The following COX7B2 variants were observed in gnomAD, a reference collection of about 807,000 sequenced individuals.
The protein encoded by COX7B2 is cytochrome c oxidase subunit 7B2, also known as cytochrome c oxidase subunit 7B2, mitochondrial.
For missense variants in COX7B2, 109 were observed against 95.9 expected, an observed-to-expected ratio of 1.14 and a Z score of -0.57; for synonymous variants, 37 against 32.1, an observed-to-expected ratio of 1.15 and a Z score of -0.51.
chr4:46,820,218 G>A (rs555345700), intron 2 of COX7B2, among the ~76,000 whole-genome samples: 1 of 152,174 alleles, frequency 6.6e-6, no homozygotes, highest in Non-Finnish European at 1.5e-5. Flanking sequence ...CCATCTGGGG[G>A]AGATCGGAAA....
At chr4:46,853,532 CA>C (rs1331851376) in intron 1 of COX7B2, among the ~76,000 whole-genome samples, 1 of 151,980 alleles carries the variant, frequency 6.6e-6, no homozygotes, top group African/African-American at 2.4e-5. Context: ...CAGTTATGTA[CA>C]TTTTTTTTTA....
intron 1 of COX7B2, among the ~76,000 whole-genome samples, chr4:46,866,614 G>A (rs1007731153): frequency 2.6e-5 from 4 of 152,112 alleles, no homozygotes; most frequent in African/African-American, 9.7e-5. Context: ...ATGGGAAGCA[G>A]GGCAGCAATA....
intron 1 of COX7B2, among the ~76,000 whole-genome samples, chr4:46,893,346 C>T (rs1322841496): frequency 6.6e-6 from 1 of 152,162 alleles, no homozygotes; most frequent in Non-Finnish European, 1.5e-5. Flanking sequence ...AAATTCCCTC[C>T]ACGGATAAGT....
chr4:46,761,716 A>G (rs1273849237), intron 2 of COX7B2, among the ~76,000 whole-genome samples: 2 of 152,108 alleles, frequency 1.3e-5, no homozygotes, highest in Admixed American at 6.6e-5. Flanking sequence ...GCTTGCCCAC[A>G]TGATGAATTG....
intron 2 of COX7B2, among the ~76,000 whole-genome samples, chr4:46,746,101 T>G (rs763020718): frequency 2.6e-5 from 4 of 152,314 alleles, no homozygotes; most frequent in Non-Finnish European, 5.9e-5. Context: ...AGATAATATA[T>G]TTTATCATAT....
At chr4:46,871,248 T>C (rs761303510) in intron 1 of COX7B2, among the ~76,000 whole-genome samples, 2 of 152,158 alleles carry the variant, frequency 1.3e-5, no homozygotes, top group Non-Finnish European at 2.9e-5. Flanking sequence ...AGGGAAATGC[T>C]CTCTATTCAG....
intron 1 of COX7B2, among the ~76,000 whole-genome samples, chr4:46,903,445 A>G (rs1316026258): frequency 1.3e-5 from 2 of 152,002 alleles, no homozygotes; most frequent in African/African-American, 4.8e-5. Context: ...GTAACATTGT[A>G]GCGCAATTAC....
intron 1 of COX7B2, among the ~76,000 whole-genome samples, chr4:46,880,889 T>C (rs1718677722): frequency 6.8e-6 from 1 of 147,956 alleles, no homozygotes; most frequent in East Asian, 2.0e-4. Flanking sequence ...ATATACCTAA[T>C]GCTAGATGAC....
chr4:46,735,388 C>T (rs995324062), intron 2 of COX7B2, 147 bp from the exon 3 acceptor site: 1 of 608,198 alleles, frequency 1.6e-6, no homozygotes, highest in Non-Finnish European at 2.8e-6. Flanking sequence ...CCAGCTTTGC[C>T]ACCGATTAGC....
chr4:46,895,914 C>T (rs1352226217), intron 1 of COX7B2, among the ~76,000 whole-genome samples: 1 of 152,114 alleles, frequency 6.6e-6, no homozygotes, highest in African/African-American at 2.4e-5. Context: ...TTCTATTGCA[C>T]TTTCACCACC....
Position 46,834,996 on chromosome 4 carries a change from A to G in COX7B2, c.-50+9964T>C, listed in dbSNP as rs1226704312. Among the ~76,000 whole-genome samples the G allele has an allele frequency of 2.0e-5, 3 of 152,316 alleles. No homozygotes were observed. The East Asian group carries it at 5.8e-4, about 29-fold the overall frequency. The stretch of plus-strand genomic sequence containing the variant: ...TTATATAAACTGATAATTCATAAAA[A>G]TGGAAATATGAGTAATTCTTAAACA... On this transcript the variant is annotated intron_variant, in intron 2 of 2. Transcript: ENST00000355591.
rs1277728055 is a variant in COX7B2 at position 46,746,885 on chromosome 4, A to G, written c.-49-11644T>C. Among the ~76,000 whole-genome samples, 3 of 152,316 alleles carry G rather than the reference A, an allele frequency of 2.0e-5. No individual in the cohort carries two copies. The South Asian group carries it at 6.2e-4, about 32-fold the overall frequency. The stretch of plus-strand genomic sequence containing the variant: ...TCCTATTATGTGACTACAGCCTACT[A>G]AACACAGGAATTACCATAAAAATAA... On this transcript the variant is annotated intron_variant, in intron 2 of 2. Coordinates refer to ENST00000355591, the MANE Select transcript of COX7B2 (RefSeq NM_130902.3).
intron 2 of COX7B2, among the ~76,000 whole-genome samples, chr4:46,749,656 T>C (rs1172766148): frequency 1.3e-5 from 2 of 152,224 alleles, no homozygotes; most frequent in African/African-American, 4.8e-5. Context: ...GATGTACCTG[T>C]CACATAATTA....
At chr4:46,884,553 T>A (rs1032548344) in intron 1 of COX7B2, among the ~76,000 whole-genome samples, 1 of 152,074 alleles carries the variant, frequency 6.6e-6, no homozygotes, top group Non-Finnish European at 1.5e-5. Flanking sequence ...AGAAATCAGA[T>A]TAGTTTATCC....
intron 1 of COX7B2, among the ~76,000 whole-genome samples, chr4:46,860,891 T>A (rs1369528688): frequency 2.6e-5 from 4 of 152,082 alleles, no homozygotes; most frequent in Admixed American, 6.5e-5. Context: ...CCCAACGTGG[T>A]CTTTGGGGTT....
intron 2 of COX7B2, among the ~76,000 whole-genome samples, chr4:46,770,320 G>T (rs559587296): frequency 6.6e-6 from 1 of 152,128 alleles, no homozygotes; most frequent in East Asian, 1.9e-4. Flanking sequence ...TGTAAACTAT[G>T]AAATATTGAT....
intron 1 of COX7B2, among the ~76,000 whole-genome samples, chr4:46,868,443 T>A (rs1420728101): frequency 6.6e-6 from 1 of 152,208 alleles, no homozygotes; most frequent in African/African-American, 2.4e-5. Flanking sequence ...CTTCTCTAAT[T>A]CTTTCAGTTG....
At chr4:46,811,027 A>G (rs1323103811) in intron 2 of COX7B2, among the ~76,000 whole-genome samples, 1 of 152,122 alleles carries the variant, frequency 6.6e-6, no homozygotes, top group Non-Finnish European at 1.5e-5. Context: ...AGTCTAATAG[A>G]GATTCTCCTA....
At chr4:46,889,467 C>A (rs1719287674) in intron 1 of COX7B2, among the ~76,000 whole-genome samples, 1 of 152,196 alleles carries the variant, frequency 6.6e-6, no homozygotes, top group Non-Finnish European at 1.5e-5. Flanking sequence ...TTGATTAATT[C>A]TGTTTTCCGA....
Sources: gnomAD v4.1 joint callset for allele counts (sites outside exome capture counted in the v4.1 genomes callset) on GRCh38, gnomAD v4.1.1 for gene constraint, MANE v1.5 for transcripts, NCBI Gene and HGNC (gene_info 2026-07-23, HGNC 2026-07-21) for gene names.